The following HSPA12A variants were observed in gnomAD, a reference collection of about 807,000 sequenced individuals.
HSPA12A encodes the protein heat shock protein family A (Hsp70) member 12A.
HSPA12A carries 28 observed loss-of-function variants against 69.2 expected under a neutral mutation model. That is an observed-to-expected ratio of 0.40 (90% confidence interval 0.30 to 0.55). The LOEUF (loss-of-function observed/expected upper bound fraction) is 0.55, where lower values mean the gene tolerates loss of function less well. HSPA12A is among the 20% of genes least tolerant of loss of function. HSPA12A has a pLI of 0.38. For synonymous variants in HSPA12A, 345 were observed against 370.5 expected (o/e 0.93, Z 0.79); for missense variants, 686 against 900.7 (o/e 0.76, Z 3.05).
intron 2 of HSPA12A, among the ~76,000 whole-genome samples, chr10:116,799,923 T>C (rs747080276): frequency 6.6e-6 from 1 of 152,202 alleles, no homozygotes; most frequent in African/African-American, 2.4e-5. Context: ...CCTCTCCCTA[T>C]GTGCCATTTA....
At chr10:116,741,820 C>T (rs1851518271) in intron 1 of HSPA12A, among the ~76,000 whole-genome samples, 2 of 152,252 alleles carry the variant, frequency 1.3e-5, no homozygotes, top group African/African-American at 4.8e-5. Context: ...CGCCGCTTCA[C>T]CCTTCCCCAG....
intron 4 of HSPA12A, among the ~76,000 whole-genome samples, chr10:116,699,394 T>C (rs1564785111): frequency 6.6e-6 from 1 of 151,908 alleles, no homozygotes; most frequent in East Asian, 1.9e-4. Flanking sequence ...TAAAAAATGA[T>C]GAGAAAAGTC....
intron 2 of HSPA12A, among the ~76,000 whole-genome samples, chr10:116,787,667 G>A (rs1248457020): frequency 6.6e-6 from 1 of 152,088 alleles, no homozygotes; most frequent in African/African-American, 2.4e-5. Context: ...GGTGGGAGGC[G>A]GGGAGCTTAG....
At position 116,842,291 on chromosome 10, in the gene HSPA12A, G is replaced by T. The variant is rs1425206870; in HGVS notation, c.4-7269C>A. On this transcript the variant is annotated intron_variant, in intron 1 of 12. Transcript: ENST00000635765. ...AGAGTCACAGAGAAAACATTTTTTT[G>T]CCATAACTTGATAAAACATCTAACT... 2.6e-5 allele frequency among the ~76,000 whole-genome samples: 4 copies of T among 152,036 alleles called. No individual in the cohort carries two copies. The South Asian group carries it at 6.2e-4, about 24-fold the overall frequency.
At chr10:116,728,342 T>G (rs1373647405) in intron 1 of HSPA12A, among the ~76,000 whole-genome samples, 1 of 152,174 alleles carries the variant, frequency 6.6e-6, no homozygotes, top group Non-Finnish European at 1.5e-5. Flanking sequence ...TAACTTACAA[T>G]GGGTTTATCA....
At chr10:116,767,787 ATC>A (rs1386239329) in intron 2 of HSPA12A, among the ~76,000 whole-genome samples, 1 of 152,166 alleles carries the variant, frequency 6.6e-6, no homozygotes, top group East Asian at 1.9e-4. Context: ...GCATGATGCC[ATC>A]TGGGCTAATT....
In HSPA12A at chr10:116,692,424, ACATCAGAGT is replaced by A; in HGVS notation, c.581_589del (p.Asn194_Val197delinsIle). The A allele has an allele frequency of 6.2e-7, 1 of 1,614,122 alleles. No homozygotes were observed. The highest frequency in any genetic ancestry group is 8.5e-7 in the Non-Finnish European group (1 of 1,180,016). ...GGCAGGCACCGTGATGACCCATCTG[ACATCAGAGT>A]TCTCGAACTCCGAACCCGCCTGGTC... is the stretch of plus-strand genomic sequence containing the variant. On this transcript the variant is annotated inframe_deletion, in exon 6 of 12. Transcript: ENST00000369209.
At chr10:116,770,777 G>A (rs1221514181) in intron 2 of HSPA12A, among the ~76,000 whole-genome samples, 1 of 152,206 alleles carries the variant, frequency 6.6e-6, no homozygotes, top group African/African-American at 2.4e-5. Context: ...TTGGAAACAA[G>A]GGGCCCAGCC....
chr10:116,753,870 A>G (rs1843761421), intron 2 of HSPA12A, among the ~76,000 whole-genome samples: 1 of 152,170 alleles, frequency 6.6e-6, no homozygotes, highest in African/African-American at 2.4e-5. Context: ...TCGGTAGAGA[A>G]GGGCTACATC....
At chr10:116,707,382 C>T (rs890012097) in intron 1 of HSPA12A, 97 bp from the exon 2 acceptor site, 47 of 947,876 alleles carry the variant, frequency 5.0e-5, no homozygotes, top group African/African-American at 1.3e-4. Context: ...CCAGGAACTG[C>T]GGCCTCTGCA....
intron 10 of HSPA12A, among the ~76,000 whole-genome samples, chr10:116,677,770 A>G (rs1849281283): frequency 6.6e-6 from 1 of 152,218 alleles, no homozygotes; most frequent in African/African-American, 2.4e-5. Flanking sequence ...ACTGTCAACC[A>G]CCACAAATGT....
chr10:116,824,010 A>T (rs1845454617), intron 2 of HSPA12A, among the ~76,000 whole-genome samples: 1 of 152,226 alleles, frequency 6.6e-6, no homozygotes, highest in Non-Finnish European at 1.5e-5. Flanking sequence ...AATACATCTG[A>T]TAAGGGAGTT....
chr10:116,779,845 G>T (rs1266285198), intron 2 of HSPA12A, among the ~76,000 whole-genome samples: 2 of 152,010 alleles, frequency 1.3e-5, no homozygotes, highest in African/African-American at 4.8e-5. Flanking sequence ...TAAGGGCTTG[G>T]AGCTCTGAGT....
chr10:116,787,426 T>C (rs1589706138), intron 2 of HSPA12A, among the ~76,000 whole-genome samples: 1 of 118,230 alleles, frequency 8.5e-6, no homozygotes, highest in Admixed American at 1.2e-4. Flanking sequence ...CATACTAGAA[T>C]ACTCTCTAGC....
At chr10:116,770,330 C>T (rs566737553) in intron 2 of HSPA12A, among the ~76,000 whole-genome samples, 1 of 152,288 alleles carries the variant, frequency 6.6e-6, no homozygotes. Flanking sequence ...TCCTGCAGAC[C>T]CGCCAGTACA....
chr10:116,742,827 G>T (rs1398005849), upstream of HSPA12A, among the ~76,000 whole-genome samples: 1 of 151,940 alleles, frequency 6.6e-6, no homozygotes. Context: ...CGCGGCGGGG[G>T]TAGTGGCGCG....
chr10:116,716,440 G>A (rs1165654613), intron 1 of HSPA12A, among the ~76,000 whole-genome samples: 1 of 149,726 alleles, frequency 6.7e-6, no homozygotes, highest in Non-Finnish European at 1.5e-5. Flanking sequence ...AAAGGCAGGT[G>A]TGTGTTGGGG....
intron 2 of HSPA12A, chr10:116,829,170 C>T (rs1845565810): frequency 6.6e-6 from 1 of 152,054 alleles, no homozygotes; most frequent in South Asian, 2.1e-4. Flanking sequence ...CATACTGTTC[C>T]CATGGTAGTG....
intron 1 of HSPA12A, among the ~76,000 whole-genome samples, chr10:116,732,963 T>C (rs2133051682): frequency 6.6e-6 from 1 of 152,212 alleles, no homozygotes; most frequent in Admixed American, 6.5e-5. Flanking sequence ...ATCTGTAAAA[T>C]GAGAGGGTGG....
Sources: gnomAD v4.1 joint callset for allele counts (sites outside exome capture counted in the v4.1 genomes callset) on GRCh38, gnomAD v4.1.1 for gene constraint, MANE v1.5 for transcripts, NCBI Gene and HGNC (gene_info 2026-07-23, HGNC 2026-07-21) for gene names.